The following ZYG11B variants were observed in gnomAD, a reference collection of about 807,000 sequenced individuals.
ZYG11B encodes the protein protein zyg-11 homolog B.
In ZYG11B, 36 loss-of-function variants were observed where a neutral mutation model predicts 82.4. The ratio of observed to expected loss-of-function variants is 0.44; its 90% CI spans 0.33 to 0.58. The LOEUF is 0.58. ZYG11B is among the 20% of genes least tolerant of loss of function. The probability of loss-of-function intolerance (pLI) is 0.02; values close to 1 mark genes in which losing one functional copy is unlikely to be tolerated. For missense variants in ZYG11B, 552 were observed against 895.6 expected, an observed-to-expected ratio of 0.62 and a Z score of 4.90; for synonymous variants, 303 against 312.8, an observed-to-expected ratio of 0.97 and a Z score of 0.33.
intron 4 of ZYG11B, among the ~76,000 whole-genome samples, chr1:52,783,858 G>GTA (rs1405575432): frequency 6.7e-6 from 1 of 149,734 alleles, no homozygotes; most frequent in Non-Finnish European, 1.5e-5. Flanking sequence ...ACACGTGTGT[G>GTA]TGTATGTACA....
chr1:52,760,052 C>T (rs1326479416), intron 2 of ZYG11B, among the ~76,000 whole-genome samples: 3 of 152,016 alleles, frequency 2.0e-5, no homozygotes, highest in African/African-American at 7.2e-5. Flanking sequence ...CAGGCTGGTC[C>T]TAAACTCCTG....
intron 1 of ZYG11B, among the ~76,000 whole-genome samples, chr1:52,755,908 T>C (rs1644571928): frequency 6.6e-6 from 1 of 152,180 alleles, no homozygotes; most frequent in Non-Finnish European, 1.5e-5. Flanking sequence ...CAAGTGATTC[T>C]CCTGCCTCAG....
intron 13 of ZYG11B, among the ~76,000 whole-genome samples, chr1:52,819,164 T>G (rs947595045): frequency 6.6e-6 from 1 of 152,122 alleles, no homozygotes; most frequent in Non-Finnish European, 1.5e-5. Flanking sequence ...TAAAGAAGAA[T>G]AATTCAATGA....
At chr1:52,776,229 A>AAAAAAAAAAAATATATATATATATATAT in intron 3 of ZYG11B, among the ~76,000 whole-genome samples, 2 of 23,542 alleles carry the variant, frequency 8.5e-5, no homozygotes, top group Non-Finnish European at 1.2e-4. Flanking sequence ...TAAAAAAAAA[A>AAAAAAAAAAAATATATATATATATATAT]ATATATATAT....
Position 52,726,467 on chromosome 1 carries a change from G to C in ZYG11B, c.-187G>C, listed in dbSNP as rs1571732429. ...CTCGCGGGGGCGGAGTCTGCGCTCT[G>C]GTTCGGGCTGCGGCTGCGGCTGCGG... On this transcript the variant is annotated 5_prime_UTR_variant, in exon 1 of 14. Coordinates refer to ENST00000294353, the MANE Select transcript of ZYG11B (RefSeq NM_024646.3). The C allele has an allele frequency of 3.9e-6, 2 of 511,592 alleles. No individual in the cohort carries two copies. Among genetic ancestry groups the C allele is most frequent in the African/African-American group, 2.0e-5 (1 of 49,846 alleles). The allele number at this position is 511,592 out of a possible 1,614,324, so 31.7% of individuals were successfully genotyped here.
chr1:52,761,621 A>G (rs1406558007), intron 2 of ZYG11B, among the ~76,000 whole-genome samples: 6 of 152,190 alleles, frequency 3.9e-5, no homozygotes, highest in African/African-American at 4.8e-5. Context: ...GCATCTTGCT[A>G]TTGTGAATAG....
intron 10 of ZYG11B, among the ~76,000 whole-genome samples, chr1:52,807,491 C>CTTTT (rs34785263): frequency 0.032 from 4,125 of 128,846 alleles, 265 homozygotes; most frequent in African/African-American, 0.11. Flanking sequence ...GCTAAGAGTA[C>CTTTT]TTTTTTTTTT....
At chr1:52,778,204 C>G (rs531826232) in intron 3 of ZYG11B, among the ~76,000 whole-genome samples, 3 of 152,266 alleles carry the variant, frequency 2.0e-5, no homozygotes, top group African/African-American at 7.2e-5. Context: ...TAGGTTTCTC[C>G]TCATCCCTTT....
At chr1:52,816,963 A>C (rs1254426563) in intron 13 of ZYG11B, among the ~76,000 whole-genome samples, 1 of 150,996 alleles carries the variant, frequency 6.6e-6, no homozygotes, top group Admixed American at 6.6e-5. Context: ...TAATTTTTGT[A>C]TTATTATTAT....
chr1:52,773,683 C>G (rs1435020587), intron 3 of ZYG11B, among the ~76,000 whole-genome samples: 1 of 108,416 alleles, frequency 9.2e-6, no homozygotes, highest in Non-Finnish European at 1.7e-5. Context: ...CGCTCTGTCG[C>G]CCAGGCAGGA....
In ZYG11B at chr1:52,779,905, G is replaced by A; in HGVS notation, c.1004G>A (p.Ser335Asn). The A allele has an allele frequency of 1.2e-6, 2 of 1,614,220 alleles. No individual in the cohort carries two copies. The highest frequency in any genetic ancestry group is 8.5e-7 in the Non-Finnish European group (1 of 1,180,038). ...TQIAEALKRY[S>N]ERAFFVREAL... The stretch of plus-strand genomic sequence containing the variant: ...ATTGCAGAAGCACTGAAGCGTTACA[G>A]TGAACGGGCATTCTTTGTTCGGGAA... Residue 335 changes from serine to asparagine, a missense_variant, in exon 4 of 14, where the codon AGT becomes AAT. Transcript: ENST00000294353.
chr1:52,775,953 C>A (rs1002066077), intron 3 of ZYG11B, among the ~76,000 whole-genome samples: 2 of 151,640 alleles, frequency 1.3e-5, no homozygotes, highest in Non-Finnish European at 1.5e-5. Context: ...CAGTGGCTCA[C>A]GCCTGTAATC....
intron 1 of ZYG11B, among the ~76,000 whole-genome samples, chr1:52,747,991 A>C (rs1459429810): frequency 6.6e-6 from 1 of 152,198 alleles, no homozygotes. Context: ...CACTTAGCAT[A>C]GTTAGTAGCA....
chr1:52,796,895 T>C, intron 8 of ZYG11B, 111 bp downstream of exon 8: 1 of 114,126 alleles, frequency 8.8e-6, no homozygotes. Context: ...ATATATAATA[T>C]ATAATTATAT....
At chr1:52,803,923 A>G (rs76608415) in intron 10 of ZYG11B, among the ~76,000 whole-genome samples, 2,159 of 152,164 alleles carry the variant, frequency 0.014, 58 homozygotes, top group African/African-American at 0.05. Flanking sequence ...CACTTTTATA[A>G]TTGGTAAACC....
chr1:52,734,006 G>A (rs1222917822), intron 1 of ZYG11B, among the ~76,000 whole-genome samples: 1 of 151,186 alleles, frequency 6.6e-6, no homozygotes, highest in Non-Finnish European at 1.5e-5. Context: ...TTTTTGTTTT[G>A]TTTTTTCATA....
chr1:52,796,637 G>T, intron 7 of ZYG11B, 97 bp from the exon 8 acceptor site: 1 of 1,106,624 alleles, frequency 9.0e-7, no homozygotes, highest in East Asian at 2.5e-5. Context: ...GTTGATCAGA[G>T]ATTTTAGTCT....
chr1:52,779,715 C>T, intron 3 of ZYG11B, 138 bp from the exon 4 acceptor site: 2 of 1,015,746 alleles, frequency 2.0e-6, no homozygotes, highest in Non-Finnish European at 2.8e-6. Flanking sequence ...GTCTCGAACT[C>T]CTGACTTCAC....
chr1:52,793,489 CT>C (rs2149952648), intron 6 of ZYG11B, among the ~76,000 whole-genome samples: 1 of 152,194 alleles, frequency 6.6e-6, no homozygotes, highest in East Asian at 1.9e-4. Context: ...GAAACTCCGT[CT>C]CAAAAACAAA....
Sources: gnomAD v4.1 joint callset for allele counts (sites outside exome capture counted in the v4.1 genomes callset) on GRCh38, gnomAD v4.1.1 for gene constraint, MANE v1.5 for transcripts, NCBI Gene and HGNC (gene_info 2026-07-23, HGNC 2026-07-21) for gene names.